The following MED12L variants were observed in gnomAD, a reference collection of about 807,000 sequenced individuals.
MED12L encodes the protein mediator of RNA polymerase II transcription subunit 12-like protein.
In MED12L, 60 loss-of-function variants were observed where a neutral mutation model predicts 281.3. The ratio of observed to expected loss-of-function variants is 0.21; its 90% CI spans 0.17 to 0.26. The LOEUF (loss-of-function observed/expected upper bound fraction) is 0.26. MED12L is among the 10% of genes least tolerant of loss of function. MED12L has a pLI of 1.00. For missense variants in MED12L, 2,146 were observed against 2,680.9 expected (o/e 0.80, Z 4.41); for synonymous variants, 974 against 987.2 (o/e 0.99, Z 0.25).
rs183942480 is a variant in MED12L at position 151,394,681 on chromosome 3, C to T, written c.5634C>T (p.Gly1878=). The T allele has an allele frequency of 6.2e-7, 1 of 1,614,260 alleles. No individual in the cohort carries two copies. Residue 1878 remains glycine (G), a synonymous_variant, in exon 39 of 45, where the codon GGC becomes GGT. Transcript: ENST00000687756. ...GTGGCTCCAGATTGGACCCTGCAGG[C>T]TCCTTTGTCCCAACCAACACCAAAC... ...TPGGSRLDPA[G]SFVPTNTKQA...
chr3:151,283,258 T>G (rs1233912329), intron 16 of MED12L, among the ~76,000 whole-genome samples: 1 of 152,236 alleles, frequency 6.6e-6, no homozygotes, highest in African/African-American at 2.4e-5. Context: ...TAATCCCAAT[T>G]AGTTGAAGTG....
In MED12L at chr3:151,271,832, A is replaced by G. The variant is rs560006007; in HGVS notation, c.2250+78166A>G. Among the ~76,000 whole-genome samples, 4 of 152,346 alleles carry G rather than the reference A, an allele frequency of 2.6e-5. No individual in the cohort carries two copies. The East Asian group carries it at 5.8e-4, about 22-fold the overall frequency. Reference sequence around the variant, plus strand: ...TCTAATACTGGTAGAACTAAGCTCTAATGAGAGAAATTAGGAATGTAGATG... The same window carrying G: ...TCTAATACTGGTAGAACTAAGCTCTGATGAGAGAAATTAGGAATGTAGATG... On this transcript the variant is annotated intron_variant, in intron 16 of 44. Transcript: ENST00000687756.
intron 16 of MED12L, among the ~76,000 whole-genome samples, chr3:151,290,634 GTTT>G (rs63049361): frequency 0.015 from 2,238 of 149,210 alleles, 36 homozygotes; most frequent in Middle Eastern, 0.021. Context: ...TTACAGCCTT[GTTT>G]TTTTTTTTTT....
chr3:151,093,048 T>G (rs1423916992), intron 2 of MED12L, among the ~76,000 whole-genome samples: 1 of 152,184 alleles, frequency 6.6e-6, no homozygotes, highest in Non-Finnish European at 1.5e-5. Flanking sequence ...TTGTTAAAAA[T>G]GGACATATAT....
At chr3:151,393,219 T>C (rs563531313) in intron 38 of MED12L, among the ~76,000 whole-genome samples, 1 of 152,222 alleles carries the variant, frequency 6.6e-6, no homozygotes, top group East Asian at 1.9e-4. Context: ...ATTTGGGGGC[T>C]TCCGTATTTA....
intron 26 of MED12L, among the ~76,000 whole-genome samples, chr3:151,369,850 T>C (rs1755967837): frequency 1.3e-5 from 2 of 152,272 alleles, no homozygotes; most frequent in African/African-American, 2.4e-5. Flanking sequence ...TTGCCTTCTC[T>C]GGTGGCAGAA....
rs1276187028 is a variant in MED12L at position 151,388,139 on chromosome 3, G to A, written c.5418G>A (p.Arg1806=). Residue 1806 remains arginine (R), a synonymous_variant, in exon 37 of 45, where the codon AGG becomes AGA. Transcript: ENST00000687756. ...TTDEEKKTKG[R]KRKTKSSSRV... is the part of the protein sequence containing the mutation. ...ATGAAGAAAAGAAAACAAAAGGAAG[G>A]AAGCGCAAGACGAAATCTAGCTCAA... is the stretch of plus-strand genomic sequence containing the variant. The A allele has an allele frequency of 6.2e-7, 1 of 1,606,710 alleles. No individual in the cohort carries two copies. Among genetic ancestry groups the A allele is most frequent in the African/African-American group, 1.3e-5 (1 of 74,692 alleles).
intron 2 of MED12L, among the ~76,000 whole-genome samples, chr3:151,110,179 A>T (rs903783340): frequency 6.6e-6 from 1 of 152,210 alleles, no homozygotes; most frequent in Non-Finnish European, 1.5e-5. Context: ...TTTTAGAGGC[A>T]TGCTGTTCCA....
intron 25 of MED12L, among the ~76,000 whole-genome samples, chr3:151,368,683 TCA>T (rs1560087495): frequency 6.2e-4 from 30 of 48,180 alleles, no homozygotes; most frequent in African/African-American, 3.2e-3. Flanking sequence ...TCATGTCATT[TCA>T]TTTTATTTCA....
chr3:151,401,890 A>G (rs568270352), intron 39 of MED12L, among the ~76,000 whole-genome samples: 1 of 152,092 alleles, frequency 6.6e-6, no homozygotes, highest in Non-Finnish European at 1.5e-5. Context: ...TGTTTATTTG[A>G]ATGATGAGGA....
At chr3:151,136,381 A>C (rs560169194) in intron 5 of MED12L, among the ~76,000 whole-genome samples, 7 of 152,204 alleles carry the variant, frequency 4.6e-5, no homozygotes, top group African/African-American at 1.7e-4. Context: ...CCACATTTTC[A>C]CAGTGTTCCT....
chr3:151,294,680 A>G (rs200796001), intron 16 of MED12L: 12 of 1,614,162 alleles, frequency 7.4e-6, no homozygotes, highest in Non-Finnish European at 8.5e-6. Flanking sequence ...GCAGTCATGG[A>G]TATTGTCCTC....
chr3:151,417,863 A>G (rs1398749911), intron 43 of MED12L, among the ~76,000 whole-genome samples: 1 of 152,166 alleles, frequency 6.6e-6, no homozygotes, highest in African/African-American at 2.4e-5. Context: ...CATTTACTGC[A>G]ATCTACTTCA....
At chr3:151,144,849 C>T (rs1338457917) in intron 5 of MED12L, among the ~76,000 whole-genome samples, 2 of 152,178 alleles carry the variant, frequency 1.3e-5, no homozygotes, top group South Asian at 2.1e-4. Flanking sequence ...CTGCCGCCCC[C>T]GACATACCTG....
intron 2 of MED12L, among the ~76,000 whole-genome samples, chr3:151,099,630 A>T (rs1015612290): frequency 6.6e-6 from 1 of 152,208 alleles, no homozygotes; most frequent in Non-Finnish European, 1.5e-5. Flanking sequence ...TTCACAGACA[A>T]ATAGTTAAAA....
chr3:151,427,835 T>G (rs932638335), intron 43 of MED12L, among the ~76,000 whole-genome samples: 2 of 152,180 alleles, frequency 1.3e-5, no homozygotes, highest in Non-Finnish European at 1.5e-5. Context: ...TAATGTATAT[T>G]CCAGAATTGC....
intron 39 of MED12L, among the ~76,000 whole-genome samples, chr3:151,404,079 C>G (rs1716011010): frequency 6.6e-6 from 1 of 152,158 alleles, no homozygotes; most frequent in Non-Finnish European, 1.5e-5. Context: ...CAATTTGCAT[C>G]AATCACTGGC....
chr3:151,309,567 C>G (rs921867455), intron 16 of MED12L, among the ~76,000 whole-genome samples: 18 of 152,210 alleles, frequency 1.2e-4, no homozygotes, highest in African/African-American at 4.1e-4. Flanking sequence ...TGCCTCTTAT[C>G]TATTAGGCAA....
Position 151,086,844 on chromosome 3 carries a change from C to T in MED12L, c.-83C>T. ...GAGGAGGGGGAGAGAGGGAGTCTGT[C>T]TGCAAAGTGCTGCTCCCTGGTGCTC... On this transcript the variant is annotated 5_prime_UTR_variant, in exon 2 of 45. Transcript: ENST00000687756. The T allele has an allele frequency of 1.8e-6, 2 of 1,099,438 alleles. No homozygotes were observed. The allele number at this position is 1,099,438 out of a possible 1,614,324, so 68.1% of individuals were successfully genotyped here.
Sources: gnomAD v4.1 joint callset for allele counts (sites outside exome capture counted in the v4.1 genomes callset) on GRCh38, gnomAD v4.1.1 for gene constraint, MANE v1.5 for transcripts, NCBI Gene and HGNC (gene_info 2026-07-23, HGNC 2026-07-21) for gene names.